Variants in PCDHGB4 observed in about 807,000 individuals in gnomAD.
PCDHGB4 encodes protocadherin gamma-B4.
Under a neutral mutation model 60.5 loss-of-function variants are expected in PCDHGB4, and 38 were observed. The observed-to-expected ratio is 0.63, with a 90% CI of 0.48 to 0.82. PCDHGB4 has a LOEUF of 0.82. PCDHGB4 is among the 40% of genes least tolerant of loss of function. The pLI is 0.00. For synonymous variants in PCDHGB4, 456 were observed against 509.7 expected, an observed-to-expected ratio of 0.89 and a Z score of 1.42; for missense variants, 1,109 against 1,209.6, an observed-to-expected ratio of 0.92 and a Z score of 1.23.
rs150897033 is a variant in PCDHGB4, at chr5:141,453,434, G to C, written c.2398-41373G>C. Among the ~76,000 whole-genome samples the C allele has an allele frequency of 3.9e-3, 592 of 151,994 alleles. 6 individuals are homozygous for C. The highest frequency in any genetic ancestry group is 0.011 in the Admixed American group (171 of 15,256). On this transcript the variant is annotated intron_variant, in intron 1 of 3. Coordinates refer to ENST00000519479, the MANE Select transcript of PCDHGB4 (RefSeq NM_003736.4). Reference sequence around the variant, plus strand: ...GGCATAAGCCACCACACCTAGCCTAGTATTCTTTTTTGAATATGTAAAACA... The same window carrying C: ...GGCATAAGCCACCACACCTAGCCTACTATTCTTTTTTGAATATGTAAAACA...
At chr5:141,458,563 G>T (rs1181785251) in intron 1 of PCDHGB4, among the ~76,000 whole-genome samples, 1 of 140,116 alleles carries the variant, frequency 7.1e-6, no homozygotes, top group Non-Finnish European at 1.5e-5. Context: ...TTTTGGTTTT[G>T]GGTTTTTGTT....
chr5:141,443,417 T>C (rs1429905201), intron 1 of PCDHGB4, among the ~76,000 whole-genome samples: 3 of 152,132 alleles, frequency 2.0e-5, no homozygotes, highest in East Asian at 1.9e-4. Context: ...TCTGGGGAGA[T>C]TGAAGCTGCA....
At chr5:141,415,066 C>A in intron 1 of PCDHGB4, 1 of 1,613,410 alleles carries the variant, frequency 6.2e-7, no homozygotes, top group Non-Finnish European at 8.5e-7. Flanking sequence ...GGGCGAGGTG[C>A]GCACGGCGCG....
chr5:141,489,150 T>C lies in PCDHGB4; in HGVS notation c.2398-5657T>C. The C allele has an allele frequency of 1.7e-5, 15 of 862,654 alleles. No individual in the cohort carries two copies. Among genetic ancestry groups the C allele is most frequent in the Middle Eastern group, 2.5e-4 (1 of 4,044 alleles). 53.4% of individuals were successfully genotyped at this position (862,654 alleles called of 1,614,324 possible). On this transcript the variant is annotated intron_variant, in intron 1 of 3. Transcript: ENST00000519479. The surrounding 1 kb of genome is among the most constrained non-coding windows in gnomAD (Gnocchi z 4.5). ...GTTTTTAAGAGGCTGGAAGGAGACA[T>C]AAGAGACTTCAGCTGCTGCATTCCA...
Position 141,491,944 on chromosome 5 carries a change from C to A in PCDHGB4, c.2398-2863C>A. On this transcript the variant is annotated intron_variant, in intron 1 of 3. Transcript: ENST00000519479. This position sits in a 1 kb window ranked among gnomAD's most constrained non-coding sequence, Gnocchi z 6.9. ...CGAGGGGAGGTGGGACCGACCCCCA[C>A]CCCTACACTCAAAAAAGGCCGGGGC... 2 of 1,120,270 alleles carry A rather than the reference C, an allele frequency of 1.8e-6. No individual in the cohort carries two copies. Among genetic ancestry groups the A allele is most frequent in the Non-Finnish European group, 2.4e-6 (2 of 822,060 alleles). The allele number at this position is 1,120,270 out of a possible 1,614,324, so 69.4% of individuals were successfully genotyped here.
intron 1 of PCDHGB4, among the ~76,000 whole-genome samples, chr5:141,457,387 T>A (rs530736201): frequency 2.0e-5 from 3 of 152,340 alleles, no homozygotes; most frequent in Non-Finnish European, 2.9e-5. Context: ...AGAACTAGCA[T>A]ATTGATTCAC....
At chr5:141,448,924 G>A (rs1244728418) in intron 1 of PCDHGB4, among the ~76,000 whole-genome samples, 1 of 152,116 alleles carries the variant, frequency 6.6e-6, no homozygotes, top group East Asian at 1.9e-4. Flanking sequence ...CAGCCTGGGC[G>A]ACAGAGCAAG....
At chr5:141,408,618 A>C (rs1264915663) in intron 1 of PCDHGB4, 1 of 1,614,024 alleles carries the variant, frequency 6.2e-7, no homozygotes, top group Admixed American at 1.7e-5. Flanking sequence ...AAGGAAATAC[A>C]TTTAGAAATT....
At chr5:141,419,741 A>G (rs769795920) in intron 1 of PCDHGB4, 1 of 1,613,856 alleles carries the variant, frequency 6.2e-7, no homozygotes. Context: ...CGAGGTGCGC[A>G]TGGTGCGTGC....
At chr5:141,503,474 T>C (rs2099820145) in intron 2 of PCDHGB4, among the ~76,000 whole-genome samples, 1 of 151,828 alleles carries the variant, frequency 6.6e-6, no homozygotes, top group South Asian at 2.1e-4. Context: ...ATGTGTGCAC[T>C]TGTCGTCCCA....
In PCDHGB4 at chr5:141,408,106, G is replaced by A. The variant is rs1474157141; in HGVS notation, c.2397+17825G>A. The A allele has an allele frequency of 8.3e-6, 12 of 1,444,288 alleles. No individual in the cohort carries two copies. In the East Asian group the frequency reaches 2.7e-4, roughly 33 times the overall value. 89.5% of individuals were successfully genotyped at this position (1,444,288 alleles called of 1,614,324 possible). On this transcript the variant is annotated intron_variant, in intron 1 of 3. Transcript: ENST00000519479. ...AGCGGATTGCCAGCTCCGAGACCCG[G>A]GACTCCTCCTGTCCTGGGCCGAATG...
intron 1 of PCDHGB4, among the ~76,000 whole-genome samples, chr5:141,454,796 ATTTTTTTTTTTTTT>A (rs61612330): frequency 5.2e-5 from 4 of 77,408 alleles, no homozygotes; most frequent in Non-Finnish European, 9.3e-5. Flanking sequence ...CATGGTTCTA[ATTTTTTTTTTTTTT>A]TTTTTTTTTT....
At chr5:141,505,816 C>A (rs1236221927) in intron 3 of PCDHGB4, among the ~76,000 whole-genome samples, 2 of 152,178 alleles carry the variant, frequency 1.3e-5, no homozygotes, top group African/African-American at 4.8e-5. Flanking sequence ...CTTGCTCAAT[C>A]TCTCTAAACC....
intron 1 of PCDHGB4, chr5:141,400,192 G>T (rs1411721247): frequency 6.2e-7 from 1 of 1,614,088 alleles, no homozygotes; most frequent in South Asian, 1.1e-5. Flanking sequence ...GTTTTACCTA[G>T]TGGTGGCCTT....
chr5:141,413,211 G>A, intron 1 of PCDHGB4: 1 of 1,613,214 alleles, frequency 6.2e-7, no homozygotes, highest in South Asian at 1.1e-5. Context: ...AGGAATCAAA[G>A]GATTGCAGCG....
intron 1 of PCDHGB4, chr5:141,415,646 A>G: frequency 6.2e-7 from 1 of 1,600,190 alleles, no homozygotes; most frequent in South Asian, 1.1e-5. Context: ...TTTGTTAAAA[A>G]AAAAAAGATT....
intron 1 of PCDHGB4, chr5:141,478,878 T>A: frequency 8.0e-7 from 1 of 1,250,194 alleles, no homozygotes; most frequent in Non-Finnish European, 1.1e-6. Flanking sequence ...GAGTTTAGCT[T>A]GGTATCATTT....
Position 141,486,904 on chromosome 5 carries a change from C to G in PCDHGB4, c.2398-7903C>G. On this transcript the variant is annotated intron_variant, in intron 1 of 3. Transcript: ENST00000519479. This position sits in a 1 kb window ranked among gnomAD's most constrained non-coding sequence, Gnocchi z 5.0. The stretch of plus-strand genomic sequence containing the variant: ...GGGCCCGGCCTGGTTCCTTATGTCC[C>G]CAAGCACTGCCTCCATCAGTTGGTG... 6.2e-7 allele frequency: 1 copy of G among 1,614,226 alleles called. No individual in the cohort carries two copies. The highest frequency in any genetic ancestry group is 1.1e-5 in the South Asian group (1 of 91,080).
At chr5:141,464,480 A>T (rs1013894368) in intron 1 of PCDHGB4, among the ~76,000 whole-genome samples, 4 of 151,864 alleles carry the variant, frequency 2.6e-5, no homozygotes, top group African/African-American at 7.3e-5. Flanking sequence ...CGTATAATAA[A>T]TTCCTAATAG....
Sources: gnomAD v4.1 joint callset for allele counts (sites outside exome capture counted in the v4.1 genomes callset) on GRCh38, gnomAD v4.1.1 for gene constraint, Gnocchi (gnomAD v3.1) non-coding constraint, MANE v1.5 for transcripts, NCBI Gene and HGNC (gene_info 2026-07-23, HGNC 2026-07-21) for gene names.